Variants in DNAJC6 observed in about 807,000 individuals in gnomAD.
The protein encoded by DNAJC6 is auxilin.
Under a neutral mutation model 110.0 loss-of-function variants are expected in DNAJC6, and 34 were observed. The observed-to-expected ratio is 0.31, with a 90% confidence interval of 0.24 to 0.41. The LOEUF (loss-of-function observed/expected upper bound fraction) is 0.41. Among genes scored for constraint, DNAJC6 ranks in the 10% least tolerant of loss-of-function variants. DNAJC6 has a pLI of 1.00. For missense variants in DNAJC6, 1,031 were observed against 1,207.8 expected (o/e 0.85, Z 2.17); for synonymous variants, 406 against 437.2 (o/e 0.93, Z 0.89).
chr1:65,373,062 ATTTATC>A (rs1645723183), intron 4 of DNAJC6, among the ~76,000 whole-genome samples: 2 of 152,120 alleles, frequency 1.3e-5, no homozygotes, highest in African/African-American at 4.8e-5. Context: ...AACATGCAAT[ATTTATC>A]TTTCTATGCT....
At chr1:65,306,826 T>C (rs1401749397), upstream of DNAJC6, among the ~76,000 whole-genome samples, 1 of 152,066 alleles carries the variant, frequency 6.6e-6, no homozygotes, top group Non-Finnish European at 1.5e-5. Flanking sequence ...AGGATATCCC[T>C]GGAAAAAATA....
At chr1:65,322,362 C>T (rs1392788922) in intron 1 of DNAJC6, among the ~76,000 whole-genome samples, 1 of 152,096 alleles carries the variant, frequency 6.6e-6, no homozygotes, top group East Asian at 1.9e-4. Flanking sequence ...CTTGCATATT[C>T]ACATATACAT....
At chr1:65,376,073 C>T (rs1422177462) in intron 4 of DNAJC6, among the ~76,000 whole-genome samples, 1 of 152,056 alleles carries the variant, frequency 6.6e-6, no homozygotes, top group Non-Finnish European at 1.5e-5. Flanking sequence ...TTACTTGTTA[C>T]TGGTTTGTTG....
chr1:65,357,194 A>G (rs1356892656), intron 1 of DNAJC6, among the ~76,000 whole-genome samples: 3 of 152,214 alleles, frequency 2.0e-5, no homozygotes, highest in Non-Finnish European at 4.4e-5. Context: ...AGAAGCCAGG[A>G]CAAGACATTT....
chr1:65,309,978 C>T (rs1260975216), intron 1 of DNAJC6, 40 bp downstream of exon 1: 4 of 1,362,528 alleles, frequency 2.9e-6, no homozygotes, highest in African/African-American at 1.5e-5. Context: ...GAGCCCCGCG[C>T]GGCCTCCGGA....
chr1:65,297,085 G>A (rs1324944796), intron 1 of DNAJC6, among the ~76,000 whole-genome samples: 3 of 152,188 alleles, frequency 2.0e-5, no homozygotes, highest in Non-Finnish European at 4.4e-5. Context: ...GATATCAAAC[G>A]TGGTTTTGAG....
At position 65,334,489 on chromosome 1, in the gene DNAJC6, CAGG is replaced by C. The variant is rs370301477; in HGVS notation, c.193+24555_193+24557del. On this transcript the variant is annotated intron_variant, in intron 1 of 18. Coordinates refer to ENST00000371069, the MANE Select transcript of DNAJC6 (RefSeq NM_001256864.2). ...GGCAAAGATGGGTGAAGGAGGAATG[CAGG>C]AGGTGAGAATGGGAAGGAAAGCAGT... Among the ~76,000 whole-genome samples the C allele has an allele frequency of 3.4e-4, 52 of 152,294 alleles. No homozygotes were observed. The East Asian group carries it at 7.5e-3, about 22-fold the overall frequency.
intron 1 of DNAJC6, among the ~76,000 whole-genome samples, chr1:65,277,755 G>A (rs1653718710): frequency 1.3e-5 from 2 of 152,152 alleles, no homozygotes; most frequent in African/African-American, 4.8e-5. Flanking sequence ...GTGGTAAGGT[G>A]GCCAGAGTCT....
chr1:65,367,786 G>T (rs954108490), intron 4 of DNAJC6, among the ~76,000 whole-genome samples: 1 of 151,890 alleles, frequency 6.6e-6, no homozygotes, highest in African/African-American at 2.4e-5. Flanking sequence ...TTTGTGACTG[G>T]ACTTAAGGGT....
chr1:65,331,141 T>A (rs1645285195), intron 1 of DNAJC6, among the ~76,000 whole-genome samples: 1 of 152,102 alleles, frequency 6.6e-6, no homozygotes, highest in South Asian at 2.1e-4. Flanking sequence ...GAGAATGGAT[T>A]TTGGTTGGCA....
chr1:65,305,698 A>G (rs147443365), upstream of DNAJC6, among the ~76,000 whole-genome samples: 1 of 152,178 alleles, frequency 6.6e-6, no homozygotes, highest in Non-Finnish European at 1.5e-5. Flanking sequence ...AAATACATAC[A>G]CGTGAATATT....
chr1:65,317,846 A>ATT (rs1399958780), intron 1 of DNAJC6, among the ~76,000 whole-genome samples: 1 of 152,244 alleles, frequency 6.6e-6, no homozygotes, highest in Non-Finnish European at 1.5e-5. Context: ...AGGAGCCATA[A>ATT]TTTTAACCAG....
At position 65,413,011 on chromosome 1, in the gene DNAJC6, A is replaced by C; in HGVS notation, c.2899A>C (p.Lys967Gln). Residue 967 changes from lysine (K) to glutamine (Q), a missense_variant, in exon 19 of 19, where the codon AAG becomes CAG. Transcript: ENST00000371069. ...GTCTGAATTTGAAAACCAAGGCCAAAAGCCCTTATATTAATTTATGAGCTT... is the reference window on the plus strand; with the variant it reads ...GTCTGAATTTGAAAACCAAGGCCAACAGCCCTTATATTAATTTATGAGCTT... Reference protein sequence around the residue: ...AWSEFENQGQKPLY With the variant: ...AWSEFENQGQQPLY 1 of 1,613,948 alleles carries C rather than the reference A, an allele frequency of 6.2e-7. No homozygotes were observed. The highest frequency in any genetic ancestry group is 1.3e-5 in the African/African-American group (1 of 75,034).
intron 5 of DNAJC6, 104 bp from the exon 6 acceptor site, chr1:65,384,089 G>A (rs980169699): frequency 3.1e-6 from 4 of 1,297,258 alleles, no homozygotes; most frequent in Non-Finnish European, 4.0e-6. Flanking sequence ...ACAGTTAAGA[G>A]GATTTCTCCT....
chr1:65,344,238 A>G (rs1645416277), intron 1 of DNAJC6, among the ~76,000 whole-genome samples: 1 of 152,218 alleles, frequency 6.6e-6, no homozygotes, highest in Non-Finnish European at 1.5e-5. Flanking sequence ...ACAATAATGA[A>G]TGATGGCAAA....
In DNAJC6 at chr1:65,389,328, A is replaced by G. The variant is rs61758427; in HGVS notation, c.1266A>G (p.Leu422=). 1.2e-6 allele frequency: 2 copies of G among 1,614,212 alleles called. No homozygotes were observed. The highest frequency in any genetic ancestry group is 2.2e-5 in the South Asian group (2 of 91,086). ...QLFQVTLDVE[L]QPHDKVIDLT... Reference sequence around the variant, plus strand: ...TTCAGGTGACACTGGATGTAGAACTACAGCCCCATGACAAAGTAATAGACT... The same window carrying G: ...TTCAGGTGACACTGGATGTAGAACTGCAGCCCCATGACAAAGTAATAGACT... The change falls in exon 10 of 19, where the codon CTA becomes CTG. Residue 422 remains leucine, a synonymous_variant. Transcript: ENST00000371069.
intron 14 of DNAJC6, among the ~76,000 whole-genome samples, chr1:65,400,346 A>G (rs188452245): frequency 6.6e-6 from 1 of 152,314 alleles, no homozygotes; most frequent in East Asian, 1.9e-4. Context: ...TTTAACATCC[A>G]TTCTCTTTGG....
intron 1 of DNAJC6, among the ~76,000 whole-genome samples, chr1:65,284,650 A>C (rs1309549473): frequency 6.6e-6 from 1 of 150,660 alleles, no homozygotes; most frequent in Admixed American, 6.6e-5. Context: ...TTTTCCCCAA[A>C]TTTTGGAGAA....
Position 65,384,337 on chromosome 1 carries a change from C to G in DNAJC6, c.800+11C>G. Reference sequence around the variant, plus strand: ...ACCATCCCATAGGAGGTAAAGTAAGCTAGATGCAGGCTAGGCACAGATGTA... The same window carrying G: ...ACCATCCCATAGGAGGTAAAGTAAGGTAGATGCAGGCTAGGCACAGATGTA... On this transcript the variant is annotated intron_variant, in intron 6 of 18. Transcript: ENST00000371069. The G allele has an allele frequency of 6.5e-7, 1 of 1,537,924 alleles. No individual in the cohort carries two copies. The highest frequency in any genetic ancestry group is 8.7e-7 in the Non-Finnish European group (1 of 1,146,648).
Sources: gnomAD v4.1 joint callset for allele counts (sites outside exome capture counted in the v4.1 genomes callset) on GRCh38, gnomAD v4.1.1 for gene constraint, MANE v1.5 for transcripts, NCBI Gene and HGNC (gene_info 2026-07-23, HGNC 2026-07-21) for gene names.